The following SLC39A10 variants were observed in gnomAD, a reference collection of about 807,000 sequenced individuals.
SLC39A10 encodes the protein solute carrier family 39 member 10.
A neutral mutation model predicts 65.1 loss-of-function variants in SLC39A10; 13 were observed. That is an observed-to-expected ratio of 0.20 (90% confidence interval 0.13 to 0.32). SLC39A10 has a LOEUF of 0.32. SLC39A10 is among the 10% of genes least tolerant of loss of function. The pLI, the probability that SLC39A10 is intolerant of heterozygous loss-of-function variation, is 1.00. For synonymous variants in SLC39A10, 321 were observed against 342.2 expected, an observed-to-expected ratio of 0.94 and a Z score of 0.68; for missense variants, 831 against 1,018.4, an observed-to-expected ratio of 0.82 and a Z score of 2.50.
At chr2:195,634,930 C>T (rs1472467451) in intron 2 of SLC39A10, among the ~76,000 whole-genome samples, 1 of 152,084 alleles carries the variant, frequency 6.6e-6, no homozygotes, top group Admixed American at 6.6e-5. Flanking sequence ...TACCTGTAAT[C>T]CTAGCTACTC....
At chr2:195,693,506 A>G (rs1056553947) in intron 3 of SLC39A10, among the ~76,000 whole-genome samples, 1 of 151,762 alleles carries the variant, frequency 6.6e-6, no homozygotes, top group African/African-American at 2.4e-5. Context: ...GTGTGTTTCT[A>G]TATTTTCCTG....
chr2:195,682,934 T>C (rs980361888), intron 2 of SLC39A10, among the ~76,000 whole-genome samples: 2 of 152,006 alleles, frequency 1.3e-5, no homozygotes, highest in African/African-American at 4.8e-5. Context: ...TTTTTTTTGG[T>C]GCCATAGATA....
intron 3 of SLC39A10, among the ~76,000 whole-genome samples, chr2:195,702,960 C>T (rs1399421536): frequency 6.6e-6 from 1 of 152,150 alleles, no homozygotes; most frequent in East Asian, 1.9e-4. Flanking sequence ...TTTGAAGACC[C>T]TCTCCTAGAC....
chr2:195,649,256 C>T (rs1053202659), intron 2 of SLC39A10, among the ~76,000 whole-genome samples: 1 of 152,124 alleles, frequency 6.6e-6, no homozygotes, highest in Non-Finnish European at 1.5e-5. Flanking sequence ...AAAATATAAT[C>T]CAAGCTTTAC....
chr2:195,704,943 A>G (rs529736945), intron 3 of SLC39A10, among the ~76,000 whole-genome samples: 3 of 152,184 alleles, frequency 2.0e-5, no homozygotes, highest in Admixed American at 6.5e-5. Flanking sequence ...GGCTACAGGC[A>G]TGTACCACCG....
chr2:195,685,639 A>T (rs1173732431), intron 3 of SLC39A10, among the ~76,000 whole-genome samples: 1 of 152,160 alleles, frequency 6.6e-6, no homozygotes, highest in Non-Finnish European at 1.5e-5. Flanking sequence ...ACGATTCTTC[A>T]AAGATTCAGA....
intron 2 of SLC39A10, among the ~76,000 whole-genome samples, chr2:195,639,714 T>A (rs1688766478): frequency 6.6e-6 from 1 of 152,140 alleles, no homozygotes; most frequent in Non-Finnish European, 1.5e-5. Flanking sequence ...GTAGCTGGGA[T>A]TACAGGCGAG....
At position 195,683,837 on chromosome 2, in the gene SLC39A10, C is replaced by T. The variant is rs754092021; in HGVS notation, c.1147C>T (p.Leu383Phe). Residue 383 changes from leucine to phenylalanine, a missense_variant, in exon 3 of 10, where the codon CTT (leucine) becomes TTT (phenylalanine). Coordinates refer to ENST00000359634, the MANE Select transcript of SLC39A10 (RefSeq NM_020342.3). The stretch of plus-strand genomic sequence containing the variant: ...ACTTTGTATTGAGCATTTTGACAAA[C>T]TTTTAGTTGAAGATATAAATAAGGA... ...SRLCIEHFDK[L>F]LVEDINKDKN... 1 of 1,613,176 alleles carries T rather than the reference C, an allele frequency of 6.2e-7. No homozygotes were observed. Among genetic ancestry groups the T allele is most frequent in the Non-Finnish European group, 8.5e-7 (1 of 1,179,436 alleles).
At chr2:195,673,827 A>G (rs1323931388) in intron 1 of SLC39A10, among the ~76,000 whole-genome samples, 3 of 152,252 alleles carry the variant, frequency 2.0e-5, no homozygotes, top group African/African-American at 7.2e-5. Context: ...AGAATAATCA[A>G]GCACCTGAAT....
At chr2:195,629,392 CAAAAAA>C (rs60548307) in intron 2 of SLC39A10, among the ~76,000 whole-genome samples, 1 of 79,762 alleles carries the variant, frequency 1.3e-5, no homozygotes, top group African/African-American at 4.4e-5. Flanking sequence ...AGATTCCTTT[CAAAAAA>C]AAAAAAAAAA....
At position 195,657,279 on chromosome 2, in the gene SLC39A10, G is replaced by C; in HGVS notation, c.-14G>C. On this transcript the variant is annotated splice_region_variant and 5_prime_UTR_variant, in exon 1 of 10. Transcript: ENST00000359634. Reference sequence around the variant, plus strand: ...GGAGATGCACACGGCACTCGAGTGTGAGGTAACTATAAAACCCCGATTTGT... The same window carrying C: ...GGAGATGCACACGGCACTCGAGTGTCAGGTAACTATAAAACCCCGATTTGT... 1.8e-6 allele frequency: 1 copy of C among 547,814 alleles called. No individual in the cohort carries two copies. Among genetic ancestry groups the C allele is most frequent in the Non-Finnish European group, 2.3e-6 (1 of 430,114 alleles). The allele number at this position is 547,814 out of a possible 1,614,324, so 33.9% of individuals were successfully genotyped here.
chr2:195,643,741 C>T (rs1023932185), intron 2 of SLC39A10, among the ~76,000 whole-genome samples: 1 of 152,138 alleles, frequency 6.6e-6, no homozygotes. Flanking sequence ...TAATCTTAGC[C>T]CCAAACTGGT....
At chr2:195,701,272 A>T (rs1691173027) in intron 3 of SLC39A10, among the ~76,000 whole-genome samples, 1 of 139,488 alleles carries the variant, frequency 7.2e-6, no homozygotes, top group Non-Finnish European at 1.6e-5. Context: ...TTTCTTTTTG[A>T]TTTATCTTTA....
intron 2 of SLC39A10, among the ~76,000 whole-genome samples, chr2:195,615,487 A>G (rs1009546425): frequency 5.3e-5 from 8 of 152,170 alleles, no homozygotes; most frequent in Non-Finnish European, 8.8e-5. Context: ...TTAAAAATAT[A>G]CAGGTGTTTA....
chr2:195,615,266 G>A (rs1043412084), intron 2 of SLC39A10, among the ~76,000 whole-genome samples: 2 of 152,134 alleles, frequency 1.3e-5, no homozygotes, highest in Non-Finnish European at 2.9e-5. Context: ...TTGGGAATAT[G>A]CATTTTTAAC....
At chr2:195,715,544 A>C (rs1415123443) in intron 6 of SLC39A10, among the ~76,000 whole-genome samples, 1 of 151,704 alleles carries the variant, frequency 6.6e-6, no homozygotes, top group African/African-American at 2.4e-5. Context: ...AAAAAAAAAA[A>C]AAAAGAAATT....
In SLC39A10 at chr2:195,737,156, C is replaced by T. The variant is rs1454954843; in HGVS notation, c.*2115C>T. ...GATTCTTACAAATCTTTTAAGAGGG[C>T]TGTAACAGTTGCTGCTAGTATTAGG... is the stretch of plus-strand genomic sequence containing the variant. On this transcript the variant is annotated 3_prime_UTR_variant, in exon 10 of 10. Coordinates refer to ENST00000359634, the MANE Select transcript of SLC39A10 (RefSeq NM_020342.3). 6.6e-6 allele frequency: 1 copy of T among 152,462 alleles called. No individual in the cohort carries two copies. Among genetic ancestry groups the T allele is most frequent in the African/African-American group, 2.4e-5 (1 of 41,306 alleles). 9.4% of individuals were successfully genotyped at this position (152,462 alleles called of 1,614,324 possible). A position where few individuals can be genotyped will look rare whatever the true frequency, so the allele number is the denominator to read the frequency against.
chr2:195,723,979 T>C (rs1383247357), intron 8 of SLC39A10, among the ~76,000 whole-genome samples: 4 of 152,212 alleles, frequency 2.6e-5, no homozygotes, highest in African/African-American at 9.6e-5. Context: ...TATAGTGTTG[T>C]ACATTTTTCC....
chr2:195,679,697 T>G (rs530619765), intron 1 of SLC39A10, among the ~76,000 whole-genome samples: 1 of 152,234 alleles, frequency 6.6e-6, no homozygotes, highest in South Asian at 2.1e-4. Flanking sequence ...TTAGATACAT[T>G]CCTAGCTATT....
Sources: allele counts gnomAD v4.1 joint callset (sites outside exome capture counted in the v4.1 genomes callset), GRCh38; gene constraint gnomAD v4.1.1; transcripts MANE v1.5; gene names NCBI Gene and HGNC (gene_info 2026-07-23, HGNC 2026-07-21).